Variants in ZFPM2 observed in about 807,000 individuals in gnomAD.
ZFPM2 encodes the protein zinc finger protein, FOG family member 2.
ZFPM2 carries 20 observed loss-of-function variants against 98.6 expected under a neutral mutation model. The ratio of observed to expected loss-of-function variants is 0.20; its 90% CI spans 0.14 to 0.29. The LOEUF (loss-of-function observed/expected upper bound fraction) is 0.29, where lower values mean the gene tolerates loss of function less well. Among genes scored for constraint, ZFPM2 ranks in the 10% least tolerant of loss-of-function variants. The probability of loss-of-function intolerance (pLI) is 1.00; values close to 1 mark genes in which losing one functional copy is unlikely to be tolerated. For synonymous variants in ZFPM2, 518 were observed against 502.7 expected, an observed-to-expected ratio of 1.03 and a Z score of -0.41; for missense variants, 1,310 against 1,388.6, an observed-to-expected ratio of 0.94 and a Z score of 0.90.
intron 3 of ZFPM2, among the ~76,000 whole-genome samples, chr8:105,480,746 G>A (rs556370126): frequency 6.6e-6 from 1 of 151,542 alleles, no homozygotes; most frequent in South Asian, 2.1e-4. Context: ...GGCACTGTGG[G>A]ATTACATTTT....
intron 5 of ZFPM2, among the ~76,000 whole-genome samples, chr8:105,712,880 C>T (rs1432555329): frequency 3.3e-5 from 5 of 152,056 alleles, no homozygotes; most frequent in African/African-American, 1.2e-4. Flanking sequence ...CTGCAAAGGA[C>T]ATGATATCAT....
At chr8:105,517,675 C>A (rs1813958241) in intron 3 of ZFPM2, among the ~76,000 whole-genome samples, 1 of 148,630 alleles carries the variant, frequency 6.7e-6, no homozygotes, top group Non-Finnish European at 1.5e-5. Context: ...CATAGTGAGA[C>A]CCTATCCACA....
At chr8:105,688,621 A>G (rs1810801684) in intron 5 of ZFPM2, among the ~76,000 whole-genome samples, 1 of 152,104 alleles carries the variant, frequency 6.6e-6, no homozygotes, top group African/African-American at 2.4e-5. Flanking sequence ...TTTGTTGAAA[A>G]CAAATATGAT....
Position 105,801,986 on chromosome 8 carries a change from T to C in ZFPM2, c.1904T>C (p.Ile635Thr), listed in dbSNP as rs779185486. The C allele has an allele frequency of 1.2e-6, 2 of 1,613,748 alleles. No homozygotes were observed. The highest frequency in any genetic ancestry group is 1.3e-5 in the African/African-American group (1 of 74,920). ...AATTCTTCCACTGTCTTAGATTTAA[T>C]TGGGCCAAATGGGAAGGGCCATGAC... ...CINSSTVLDL[I>T]GPNGKGHDKD... Residue 635 changes from isoleucine (I) to threonine (T), a missense_variant, in exon 8 of 8, where the codon ATT becomes ACT. By Grantham distance (89) the Ile-to-Thr change is moderately conservative. Transcript: ENST00000407775.
intron 4 of ZFPM2, among the ~76,000 whole-genome samples, chr8:105,570,341 G>T (rs1190971750): frequency 6.6e-6 from 1 of 151,796 alleles, no homozygotes; most frequent in Non-Finnish European, 1.5e-5. Context: ...GATGGAGGGG[G>T]ATTACTCAGG....
intron 5 of ZFPM2, among the ~76,000 whole-genome samples, chr8:105,649,396 G>C (rs1817122022): frequency 6.6e-6 from 1 of 152,064 alleles, no homozygotes; most frequent in Non-Finnish European, 1.5e-5. Flanking sequence ...GATTGCCCTG[G>C]CCAGAACTTC....
At chr8:105,516,942 G>A (rs73697372) in intron 3 of ZFPM2, among the ~76,000 whole-genome samples, 8,870 of 152,144 alleles carry the variant, frequency 0.058, 301 homozygotes, top group East Asian at 0.17. Context: ...TGTCTTTTGC[G>A]TCTATAGCTC....
At chr8:105,478,581 G>C (rs1813056106) in intron 3 of ZFPM2, among the ~76,000 whole-genome samples, 1 of 152,194 alleles carries the variant, frequency 6.6e-6, no homozygotes, top group Non-Finnish European at 1.5e-5. Flanking sequence ...CATCCTTGTA[G>C]TTTGAGGCTT....
rs1400523978 is a variant in ZFPM2 at position 105,683,146 on chromosome 8, A to G, written c.532+48789A>G. Among the ~76,000 whole-genome samples, 5 of 151,876 alleles carry G rather than the reference A, an allele frequency of 3.3e-5. No homozygotes were observed. In the South Asian group the frequency reaches 8.3e-4, roughly 25 times the overall value. On this transcript the variant is annotated intron_variant, in intron 5 of 7. Coordinates refer to ENST00000407775, the MANE Select transcript of ZFPM2 (RefSeq NM_012082.4). ...TGAGTTAATCCCTTCTGAAGGCCCT[A>G]CCTCCTAATACTATTACTTTGGGGG... is the stretch of plus-strand genomic sequence containing the variant.
chr8:105,376,729 C>T (rs575304803), intron 1 of ZFPM2, among the ~76,000 whole-genome samples: 1 of 152,306 alleles, frequency 6.6e-6, no homozygotes, highest in South Asian at 2.1e-4. Context: ...AAAATATCTT[C>T]TGAATTCATC....
intron 1 of ZFPM2, among the ~76,000 whole-genome samples, chr8:105,357,051 C>T (rs1812761495): frequency 6.6e-6 from 1 of 151,992 alleles, no homozygotes; most frequent in Non-Finnish European, 1.5e-5. Context: ...TTTTTGCAAA[C>T]TATTTCTCCT....
chr8:105,522,624 G>T (rs781261754), intron 3 of ZFPM2, among the ~76,000 whole-genome samples: 1 of 152,082 alleles, frequency 6.6e-6, no homozygotes, highest in East Asian at 1.9e-4. Context: ...ACAAAAATTA[G>T]CTGGGCATGG....
At chr8:105,344,092 G>A (rs115296891) in intron 1 of ZFPM2, among the ~76,000 whole-genome samples, 107 of 152,102 alleles carry the variant, frequency 7.0e-4, no homozygotes, top group African/African-American at 2.5e-3. Context: ...CTCATGAGAC[G>A]TATTCACTAT....
At chr8:105,520,387 T>G (rs930922729) in intron 3 of ZFPM2, among the ~76,000 whole-genome samples, 1 of 152,132 alleles carries the variant, frequency 6.6e-6, no homozygotes, top group Non-Finnish European at 1.5e-5. Flanking sequence ...GTCAATTACT[T>G]ACTAATATCA....
At chr8:105,559,942 T>C (rs1303415298) in intron 3 of ZFPM2, among the ~76,000 whole-genome samples, 1 of 152,050 alleles carries the variant, frequency 6.6e-6, no homozygotes, top group Non-Finnish European at 1.5e-5. Context: ...GCGCGGTGGC[T>C]CACGCCTGTA....
chr8:105,654,672 G>T (rs1817248914), intron 5 of ZFPM2, among the ~76,000 whole-genome samples: 2 of 152,030 alleles, frequency 1.3e-5, no homozygotes, highest in African/African-American at 2.4e-5. Flanking sequence ...TGACCTAGAA[G>T]CCTAAAATCA....
intron 1 of ZFPM2, among the ~76,000 whole-genome samples, chr8:105,357,251 A>G (rs1212596822): frequency 2.0e-5 from 3 of 152,168 alleles, no homozygotes; most frequent in East Asian, 3.9e-4. Context: ...GAGGCTTTTC[A>G]GTATTCTCCT....
intron 4 of ZFPM2, among the ~76,000 whole-genome samples, chr8:105,629,072 C>A (rs1236121216): frequency 6.6e-6 from 1 of 152,194 alleles, no homozygotes; most frequent in Non-Finnish European, 1.5e-5. Flanking sequence ...GGCACTAAAG[C>A]ATCTGGCTGC....
At chr8:105,381,999 C>G (rs780892486) in intron 1 of ZFPM2, among the ~76,000 whole-genome samples, 37 of 152,022 alleles carry the variant, frequency 2.4e-4, no homozygotes, top group Non-Finnish European at 4.6e-4. Flanking sequence ...ACTAATAAAC[C>G]ACCACTGAAA....
Sources: allele counts gnomAD v4.1 joint callset (sites outside exome capture counted in the v4.1 genomes callset), GRCh38; gene constraint gnomAD v4.1.1; transcripts MANE v1.5; gene names NCBI Gene and HGNC (gene_info 2026-07-23, HGNC 2026-07-21).